Variants in PIK3C2G observed in about 807,000 individuals in gnomAD.
PIK3C2G encodes the protein phosphatidylinositol 3-kinase C2 domain-containing subunit gamma.
PIK3C2G carries 168 observed loss-of-function variants against 181.1 expected under a neutral mutation model. That is an observed-to-expected ratio of 0.93 (90% confidence interval 0.82 to 1.05). The LOEUF (loss-of-function observed/expected upper bound fraction) is 1.05, where lower values mean the gene tolerates loss of function less well. PIK3C2G is among the 50% of genes least tolerant of loss of function. The pLI is 0.00. For missense variants in PIK3C2G, 1,869 were observed against 1,732.8 expected (o/e 1.08, Z -1.40); for synonymous variants, 573 against 592.2 (o/e 0.97, Z 0.47).
intron 20 of PIK3C2G, among the ~76,000 whole-genome samples, chr12:18,492,036 T>C (rs950057264): frequency 1.3e-5 from 2 of 152,238 alleles, no homozygotes; most frequent in African/African-American, 4.8e-5. Flanking sequence ...TTTGTGATTT[T>C]ACTCACGCCT....
intron 26 of PIK3C2G, among the ~76,000 whole-genome samples, chr12:18,547,729 G>T (rs1425831264): frequency 6.6e-6 from 1 of 151,988 alleles, no homozygotes; most frequent in Non-Finnish European, 1.5e-5. Context: ...CCAGCAGGTT[G>T]TCTTAGTCTT....
intron 31 of PIK3C2G, among the ~76,000 whole-genome samples, chr12:18,634,097 G>A (rs1284150605): frequency 2.6e-5 from 4 of 152,140 alleles, no homozygotes; most frequent in Admixed American, 1.3e-4. Context: ...AACTTGAACT[G>A]TAACTAAGTC....
intron 1 of PIK3C2G, among the ~76,000 whole-genome samples, chr12:18,271,201 T>C (rs1426185792): frequency 2.0e-5 from 3 of 152,042 alleles, no homozygotes; most frequent in Non-Finnish European, 4.4e-5. Flanking sequence ...TCCCCAGACA[T>C]CCTTCGCTAC....
intron 5 of PIK3C2G, among the ~76,000 whole-genome samples, chr12:18,303,159 C>CTCTT (rs201638213): frequency 2.1e-5 from 2 of 94,028 alleles, no homozygotes; most frequent in Non-Finnish European, 4.4e-5. Flanking sequence ...TTTCTTCTTT[C>CTCTT]TCTTTCTTTC....
the PIK3C2G span, chr12:18,723,518 T>C: frequency 6.2e-7 from 1 of 1,612,468 alleles, no homozygotes; most frequent in Admixed American, 1.7e-5. Flanking sequence ...ATGGTGATTC[T>C]TCCTTGTTTC....
intron 22 of PIK3C2G, among the ~76,000 whole-genome samples, chr12:18,500,721 A>G (rs368088882): frequency 5.9e-5 from 9 of 152,272 alleles, no homozygotes; most frequent in African/African-American, 2.2e-4. Context: ...ATGTGGGTGG[A>G]GCCAGATAAA....
chr12:18,332,574 C>G (rs1480262820), intron 8 of PIK3C2G, among the ~76,000 whole-genome samples: 1 of 152,186 alleles, frequency 6.6e-6, no homozygotes. Context: ...ATCTTGGACC[C>G]AAGACAACTT....
intron 18 of PIK3C2G, among the ~76,000 whole-genome samples, chr12:18,488,169 G>A (rs1370957605): frequency 1.3e-5 from 2 of 152,094 alleles, no homozygotes; most frequent in African/African-American, 4.8e-5. Context: ...AAAAGTGTGT[G>A]TTACAGAATT....
chr12:18,511,340 C>A (rs540763155), intron 24 of PIK3C2G, among the ~76,000 whole-genome samples: 1 of 152,144 alleles, frequency 6.6e-6, no homozygotes, highest in Non-Finnish European at 1.5e-5. Flanking sequence ...TGAAGAAATA[C>A]CCAGGAGCGA....
At chr12:18,661,901 T>C in the PIK3C2G span, among the ~76,000 whole-genome samples, 10 of 152,112 alleles carry the variant, frequency 6.6e-5, no homozygotes, top group Non-Finnish European at 1.3e-4. Context: ...TTTTTTTAAA[T>C]GAAGTACACA....
chr12:18,249,297 G>A (rs10743265), intron 1 of PIK3C2G, among the ~76,000 whole-genome samples: 150,226 of 152,290 alleles, frequency 0.99, 74,121 homozygotes, highest in East Asian at 1. Flanking sequence ...TACTTTCAGA[G>A]GAATGAATAT....
intron 12 of PIK3C2G, among the ~76,000 whole-genome samples, chr12:18,363,293 C>T (rs1592066879): frequency 6.6e-6 from 1 of 152,092 alleles, no homozygotes; most frequent in Non-Finnish European, 1.5e-5. Context: ...AGCTGAAGTA[C>T]AAATTTATTT....
chr12:18,701,374 T>C, the PIK3C2G span: 1 of 1,492,814 alleles, frequency 6.7e-7, no homozygotes, highest in South Asian at 1.3e-5. Flanking sequence ...AAGTAAATTG[T>C]AAATGATAGA....
intron 22 of PIK3C2G, among the ~76,000 whole-genome samples, chr12:18,501,886 G>C (rs1941512690): frequency 6.6e-6 from 1 of 152,124 alleles, no homozygotes; most frequent in Non-Finnish European, 1.5e-5. Context: ...TTTTGGGCAT[G>C]GTCAAAGGTA....
intron 11 of PIK3C2G, among the ~76,000 whole-genome samples, chr12:18,349,426 G>T (rs1175140957): frequency 6.6e-6 from 1 of 152,112 alleles, no homozygotes; most frequent in African/African-American, 2.4e-5. Context: ...CAATAAAAAA[G>T]AGTGAAACAT....
chr12:18,515,941 T>A (rs1052148004), intron 24 of PIK3C2G, among the ~76,000 whole-genome samples: 1 of 152,068 alleles, frequency 6.6e-6, no homozygotes, highest in South Asian at 2.1e-4. Context: ...GGAATTTTTT[T>A]AAATTTTCTA....
chr12:18,609,829 G>A (rs1353348983), intron 31 of PIK3C2G, among the ~76,000 whole-genome samples, 200 bp downstream of exon 31: 1 of 151,932 alleles, frequency 6.6e-6, no homozygotes, highest in African/African-American at 2.4e-5. Flanking sequence ...TACTTCACAA[G>A]GAAAGTCCTA....
At chr12:18,425,719 C>G (rs1238322913) in intron 18 of PIK3C2G, among the ~76,000 whole-genome samples, 1 of 151,980 alleles carries the variant, frequency 6.6e-6, no homozygotes, top group South Asian at 2.1e-4. Context: ...ATATTTTATA[C>G]TTAAAAACAT....
chr12:18,598,633 C>A (rs1423885537), intron 30 of PIK3C2G, among the ~76,000 whole-genome samples: 1 of 148,834 alleles, frequency 6.7e-6, no homozygotes, highest in African/African-American at 2.4e-5. Flanking sequence ...GCAACAAAAG[C>A]CAAAATTGAC....
Sources: allele counts gnomAD v4.1 joint callset (sites outside exome capture counted in the v4.1 genomes callset), GRCh38; gene constraint gnomAD v4.1.1; transcripts MANE v1.5; gene names NCBI Gene and HGNC (gene_info 2026-07-23, HGNC 2026-07-21).